OGFR: variants seen among roughly 807,000 people sequenced by gnomAD.
The protein encoded by OGFR is protein 7-60.
In OGFR, 18 loss-of-function variants were observed where a neutral mutation model predicts 33.6. That is an observed-to-expected ratio of 0.54 (90% CI 0.37 to 0.80). The LOEUF is 0.80. Among genes scored for constraint, OGFR ranks in the 30% least tolerant of loss-of-function variants. The pLI is 0.00. For synonymous variants in OGFR, 370 were observed against 400.7 expected, an observed-to-expected ratio of 0.92 and a Z score of 0.91; for missense variants, 877 against 955.8, an observed-to-expected ratio of 0.92 and a Z score of 1.09.
chr20:62,810,626 G>A (rs941173549), intron 5 of OGFR, 61 bp downstream of exon 5: 39 of 1,523,754 alleles, frequency 2.6e-5, no homozygotes, highest in East Asian at 6.8e-5. Context: ...AAGCCACGCC[G>A]CTGCAGAGAC....
chr20:62,813,813 C>A lies in OGFR; in HGVS notation c.*164C>A, dbSNP rs879211759. ...CCACTATAGCAGCCACCAGAAGCCG[C>A]GAGGCCCTCAGGGAAGCCCAAGGCC... On this transcript the variant is annotated 3_prime_UTR_variant, in exon 7 of 7. Transcript: ENST00000290291. 3 of 807,320 alleles carry A rather than the reference C, an allele frequency of 3.7e-6. No homozygotes were observed. Among genetic ancestry groups the A allele is most frequent in the Non-Finnish European group, 3.9e-6 (2 of 512,800 alleles). The allele number at this position is 807,320 out of a possible 1,614,324, so 50.0% of individuals were successfully genotyped here.
chr20:62,808,292 T>A lies in OGFR; in HGVS notation c.286T>A (p.Phe96Ile), dbSNP rs1327039073. 3.7e-6 allele frequency: 6 copies of A among 1,613,440 alleles called. No individual in the cohort carries two copies. Among genetic ancestry groups the A allele is most frequent in the Non-Finnish European group, 5.1e-6 (6 of 1,179,928 alleles). ...CAATGGGGACACGCCAAACCTGAGT[T>A]TCTACAGAAATGAGATCCGCTTCCT... is the stretch of plus-strand genomic sequence containing the variant. ...DCNGDTPNLS[F>I]YRNEIRFLPN... The change falls in exon 3 of 7, where the codon TTC (phenylalanine) becomes ATC (isoleucine). Residue 96 changes from phenylalanine to isoleucine, a missense_variant. This residue lies in a region of OGFR where 760 missense variants were observed against 736.0 expected (regional missense o/e 1.03). Transcript: ENST00000290291.
intron 2 of OGFR, chr20:62,807,878 G>T (rs140627249): frequency 3.3e-6 from 2 of 600,478 alleles, no homozygotes; most frequent in African/African-American, 3.7e-5. Flanking sequence ...TGATGCACAC[G>T]TGTGGGGTCC....
At chr20:62,812,148 G>A in intron 6 of OGFR, 82 bp from the exon 7 acceptor site, 1 of 1,261,960 alleles carries the variant, frequency 7.9e-7, no homozygotes, top group South Asian at 1.6e-5. Flanking sequence ...GTGGAGCCGG[G>A]TGGGAGGGCA....
chr20:62,809,315 G>A (rs994387062), intron 3 of OGFR, among the ~76,000 whole-genome samples: 1 of 152,220 alleles, frequency 6.6e-6, no homozygotes, highest in Non-Finnish European at 1.5e-5. Context: ...TTCCCCCAGA[G>A]GGACCTTCCG....
At chr20:62,808,131 T>C (rs769720346) in intron 2 of OGFR, 116 bp from the exon 3 acceptor site, 12 of 829,514 alleles carry the variant, frequency 1.4e-5, no homozygotes, top group East Asian at 9.7e-5. Context: ...AGGCGGGCTC[T>C]TGGGGTATTG....
chr20:62,812,981 A>G lies in OGFR; in HGVS notation c.1366A>G (p.Arg456Gly). Reference sequence around the variant, plus strand: ...GGGAGCCAGGGTGGCCGACAAGGTGAGGAAGCGGAGGAAGGTGGATGAGGG... The same window carrying G: ...GGGAGCCAGGGTGGCCGACAAGGTGGGGAAGCGGAGGAAGGTGGATGAGGG... Reference protein sequence around the residue: ...PLGARVADKVRKRRKVDEGAG... With the variant: ...PLGARVADKVGKRRKVDEGAG... The change falls in exon 7 of 7, where the codon AGG (arginine) becomes GGG (glycine). Residue 456 changes from arginine (R) to glycine (G), a missense_variant. By Grantham distance (125) the Arg-to-Gly change is moderately radical (BLOSUM62 -2). Around this residue, in one of 3 missense-constraint regions of OGFR, gnomAD observed 760 missense variants for 736.0 expected, o/e 1.03. Transcript: ENST00000290291. The G allele has an allele frequency of 6.2e-7, 1 of 1,611,782 alleles. No homozygotes were observed. The highest frequency in any genetic ancestry group is 8.5e-7 in the Non-Finnish European group (1 of 1,179,538).
intron 2 of OGFR, 115 bp downstream of exon 2, chr20:62,807,720 GT>G: frequency 9.4e-7 from 1 of 1,064,596 alleles, no homozygotes. Flanking sequence ...CAGGGCCACA[GT>G]TCTGGGCAGG....
chr20:62,808,141 G>T, intron 2 of OGFR, 106 bp from the exon 3 acceptor site: 1 of 893,154 alleles, frequency 1.1e-6, no homozygotes, highest in Non-Finnish European at 1.9e-6. Context: ...TTGGGGTATT[G>T]GGCCAGCCTG....
At chr20:62,812,081 G>A in intron 6 of OGFR, 149 bp from the exon 7 acceptor site, 1 of 703,642 alleles carries the variant, frequency 1.4e-6, no homozygotes, top group Non-Finnish European at 2.3e-6. Context: ...CCTCCCCTGG[G>A]CCCAGAGAGG....
Position 62,813,078 on chromosome 20 carries a change from C to G in OGFR, c.1463C>G (p.Ser488Trp), listed in dbSNP as rs1385309172. 6.3e-7 allele frequency: 1 copy of G among 1,578,672 alleles called. No homozygotes were observed. The highest frequency in any genetic ancestry group is 8.6e-7 in the Non-Finnish European group (1 of 1,162,226). Reference sequence around the variant, plus strand: ...GCCCTTGCCGGGTCCCCTGCCCCATCGGGGCACCCCAAGGCTGGACACAGT... The same window carrying G: ...GCCCTTGCCGGGTCCCCTGCCCCATGGGGGCACCCCAAGGCTGGACACAGT... ...TLALAGSPAPSGHPKAGHSEN... is the reference protein window; with the variant it reads ...TLALAGSPAPWGHPKAGHSEN... The change falls in exon 7 of 7, where the codon TCG (serine) becomes TGG (tryptophan). Residue 488 changes from serine to tryptophan, a missense_variant. By Grantham distance (177) the Ser-to-Trp change is radical. This residue lies in a region of OGFR where 760 missense variants were observed against 736.0 expected (regional missense o/e 1.03). Transcript: ENST00000290291.
In OGFR at chr20:62,813,061, C is replaced by T. The variant is rs1019199598; in HGVS notation, c.1446C>T (p.Ala482=). ...GTGGTGCCCAGACCTTGGCCCTTGC[C>T]GGGTCCCCTGCCCCATCGGGGCACC... The part of the protein sequence containing the change: ...ASGGAQTLAL[A]GSPAPSGHPK... Residue 482 remains alanine, a synonymous_variant, in exon 7 of 7, where the codon GCC becomes GCT. Transcript: ENST00000290291. 30 of 1,582,588 alleles carry T rather than the reference C, an allele frequency of 1.9e-5. No homozygotes were observed. Among genetic ancestry groups the T allele is most frequent in the Admixed American group, 5.5e-5 (3 of 54,750 alleles).
At chr20:62,805,081 C>T (rs1259138332) in intron 1 of OGFR, 51 bp downstream of exon 1, 3 of 1,271,986 alleles carry the variant, frequency 2.4e-6, no homozygotes, top group Non-Finnish European at 3.0e-6. Context: ...GCCCCCCGCC[C>T]GGCTGCGTGG....
In OGFR at chr20:62,812,393, G is replaced by A. The variant is rs548599964; in HGVS notation, c.778G>A (p.Ala260Thr). 9 of 1,579,230 alleles carry A rather than the reference G, an allele frequency of 5.7e-6. No individual in the cohort carries two copies. Among genetic ancestry groups the A allele is most frequent in the South Asian group, 3.5e-5 (3 of 86,880 alleles). The change falls in exon 7 of 7, where the codon GCC (alanine) becomes ACC (threonine). Residue 260 changes from alanine (A) to threonine (T), a missense_variant. By Grantham distance (58) the Ala-to-Thr change is moderately conservative. Transcript: ENST00000290291. ...GAGTGCCCTGGACTACTTCATGTTCGCCGTGCGCTGCCGACACCAGCGCCG... is the reference window on the plus strand; with the variant it reads ...GAGTGCCCTGGACTACTTCATGTTCACCGTGCGCTGCCGACACCAGCGCCG... ...RQSALDYFMF[A>T]VRCRHQRRQL...
chr20:62,805,332 A>C (rs949476314), intron 1 of OGFR: 1 of 194,932 alleles, frequency 5.1e-6, no homozygotes. Flanking sequence ...CCCTGATGGA[A>C]CCCCTCCCGC....
At chr20:62,810,033 G>A (rs560734497) in intron 4 of OGFR, among the ~76,000 whole-genome samples, 173 of 152,372 alleles carry the variant, frequency 1.1e-3, no homozygotes, top group African/African-American at 3.4e-3. Flanking sequence ...GGGTCCTGGC[G>A]TAGTGCTGGG....
At chr20:62,806,679 T>A (rs1391471658) in intron 1 of OGFR, 2 of 152,216 alleles carry the variant, frequency 1.3e-5, no homozygotes, top group African/African-American at 4.8e-5. Flanking sequence ...ACCCCCCTTC[T>A]AGCACTCCCC....
chr20:62,808,116 G>A (rs1252129962), intron 2 of OGFR, 131 bp from the exon 3 acceptor site: 2 of 774,924 alleles, frequency 2.6e-6, no homozygotes, highest in African/African-American at 1.7e-5. Flanking sequence ...GCAGAGTGAG[G>A]AGCCAGGCGG....
chr20:62,810,710 T>G (rs1990707841), intron 5 of OGFR, 145 bp downstream of exon 5: 8 of 657,216 alleles, frequency 1.2e-5, no homozygotes, highest in Non-Finnish European at 1.9e-5. Flanking sequence ...CGAAAGAGCC[T>G]CCAGTATGAT....
Sources: allele counts gnomAD v4.1 joint callset (sites outside exome capture counted in the v4.1 genomes callset), GRCh38; gene constraint gnomAD v4.1.1; regional missense constraint gnomAD v4.1.1; transcripts MANE v1.5; gene names NCBI Gene and HGNC (gene_info 2026-07-23, HGNC 2026-07-21).